COX15: variants seen among roughly 807,000 people sequenced by gnomAD.
The protein encoded by COX15 is cytochrome c oxidase assembly factor COX15.
A neutral mutation model predicts 51.9 loss-of-function variants in COX15; 51 were observed. The ratio of observed to expected loss-of-function variants is 0.98; its 90% CI spans 0.78 to 1.24. The LOEUF (loss-of-function observed/expected upper bound fraction) is 1.24. Among genes scored for constraint, COX15 ranks in the 50% most tolerant of loss-of-function variants. The probability of loss-of-function intolerance (pLI) is 0.00; values close to 1 mark genes in which losing one functional copy is unlikely to be tolerated. For missense variants in COX15, 420 were observed against 501.1 expected, an observed-to-expected ratio of 0.84 and a Z score of 1.55; for synonymous variants, 188 against 190.5, an observed-to-expected ratio of 0.99 and a Z score of 0.11.
At chr10:99,731,906 G>T in intron 1 of COX15, 54 bp downstream of exon 1, 1 of 1,558,792 alleles carries the variant, frequency 6.4e-7, no homozygotes, top group Non-Finnish European at 8.7e-7. Context: ...CTTTATCCCG[G>T]CCCTTTCACT....
chr10:99,711,613 A>G lies in COX15; in HGVS notation c.*2974T>C. 1 of 985,010 alleles carries G rather than the reference A, an allele frequency of 1.0e-6. No homozygotes were observed. Among genetic ancestry groups the G allele is most frequent in the Non-Finnish European group, 1.2e-6 (1 of 829,574 alleles). 61.0% of individuals were successfully genotyped at this position (985,010 alleles called of 1,614,324 possible). A position where few individuals can be genotyped will look rare whatever the true frequency, so the allele number is the denominator to read the frequency against. ...TCTGCACATTGGAATCACCTGGGGA[A>G]CTTTAAAAATATGCCTTTTACTTCC... is the stretch of plus-strand genomic sequence containing the variant. On this transcript the variant is annotated 3_prime_UTR_variant, in exon 9 of 9. Transcript: ENST00000016171.
At position 99,714,434 on chromosome 10, in the gene COX15, AC is replaced by A; in HGVS notation, c.*152del. 6.6e-7 allele frequency: 1 copy of A among 1,510,722 alleles called. No homozygotes were observed. The highest frequency in any genetic ancestry group is 8.8e-7 in the Non-Finnish European group (1 of 1,132,438). The allele number at this position is 1,510,722 out of a possible 1,614,324, so 93.6% of individuals were successfully genotyped here. On this transcript the variant is annotated 3_prime_UTR_variant, in exon 9 of 9. Transcript: ENST00000016171. ...CACTTAATGCATTCTTGATCCAGTG[AC>A]TATCTCAAAACAGGAAAAGATTTTT... is the stretch of plus-strand genomic sequence containing the variant.
rs750637877 is a variant in COX15, at chr10:99,714,409, C to T, written c.*178G>A. ...TAAAAGGGAACATTTAGGGTAACCACACTTAATGCATTCTTGATCCAGTGA... is the reference window on the plus strand; with the variant it reads ...TAAAAGGGAACATTTAGGGTAACCATACTTAATGCATTCTTGATCCAGTGA... On this transcript the variant is annotated 3_prime_UTR_variant, in exon 9 of 9. Coordinates refer to ENST00000016171, the MANE Select transcript of COX15 (RefSeq NM_078470.6). 6.8e-7 allele frequency: 1 copy of T among 1,468,190 alleles called. No individual in the cohort carries two copies. The highest frequency in any genetic ancestry group is 9.0e-7 in the Non-Finnish European group (1 of 1,112,490). 90.9% of individuals were successfully genotyped at this position (1,468,190 alleles called of 1,614,324 possible).
chr10:99,727,382 A>C (rs2036993857), intron 3 of COX15, 59 bp downstream of exon 3: 11 of 1,599,482 alleles, frequency 6.9e-6, no homozygotes, highest in Non-Finnish European at 8.5e-6. Context: ...TGAAGGGTTT[A>C]AGTCCAAAAG....
At chr10:99,728,283 C>G (rs1279876460) in intron 2 of COX15, among the ~76,000 whole-genome samples, 1 of 152,202 alleles carries the variant, frequency 6.6e-6, no homozygotes, top group African/African-American at 2.4e-5. Context: ...ATGGGACAAT[C>G]TGAGCAAATC....
the COX15 span, chr10:99,702,387 AG>A: frequency 1.4e-6 from 1 of 734,696 alleles, no homozygotes; most frequent in Non-Finnish European, 2.1e-6. Context: ...CTTAGAGGTG[AG>A]GAAGGTGAAG....
chr10:99,732,026 C>T lies in COX15; in HGVS notation c.24G>A (p.Pro8=). 6.2e-7 allele frequency: 1 copy of T among 1,613,192 alleles called. No homozygotes were observed. The highest frequency in any genetic ancestry group is 8.5e-7 in the Non-Finnish European group (1 of 1,179,772). Residue 8 remains proline (P), a synonymous_variant, in exon 1 of 9, where the codon CCG becomes CCA. Transcript: ENST00000016171. ...ACTGCCTCCCCTTCAAGGCCCTCAA[C>T]GGCGGAAAGAGCAATCGCTGCATAC... MQRLLFP[P]LRALKGRQYL...
chr10:99,723,964 G>C lies in COX15; in HGVS notation c.742C>G (p.Pro248Ala), dbSNP rs183558471. The change falls in exon 5 of 9, where the codon CCG (proline) becomes GCG (alanine). Residue 248 changes from proline to alanine, a missense_variant. Coordinates refer to ENST00000016171, the MANE Select transcript of COX15 (RefSeq NM_078470.6). ...TTGCACACAACTCTTACCTTGTGCG[G>C]AGGGAGTAGCAGTGACAGTGAGGTC... is the stretch of plus-strand genomic sequence containing the variant. ...LWTSLSLLLP[P>A]HKLPETHQLL... is the part of the protein sequence containing the mutation. 6 of 1,613,894 alleles carry C rather than the reference G, an allele frequency of 3.7e-6. No homozygotes were observed. In the African/African-American group the frequency reaches 6.7e-5, roughly 18 times the overall value.
chr10:99,713,696 G>A lies in COX15; in HGVS notation c.*891C>T, dbSNP rs183112534. 1,731 of 712,418 alleles carry A rather than the reference G, an allele frequency of 2.4e-3. 11 individuals are homozygous for A. The highest frequency in any genetic ancestry group is 3.3e-3 in the Non-Finnish European group (1,526 of 456,920). 44.1% of individuals were successfully genotyped at this position (712,418 alleles called of 1,614,324 possible). A position where few individuals can be genotyped will look rare whatever the true frequency, so the allele number is the denominator to read the frequency against. On this transcript the variant is annotated 3_prime_UTR_variant, in exon 9 of 9. Transcript: ENST00000016171. Reference sequence around the variant, plus strand: ...TTATCAAAAGAGGAACTAGCTGGGCGTGGTGGCCCATGCCTGTAATCTCAG... The same window carrying A: ...TTATCAAAAGAGGAACTAGCTGGGCATGGTGGCCCATGCCTGTAATCTCAG...
chr10:99,732,114 A>T lies in COX15; in HGVS notation c.-65T>A. ...GCTCTGTGGTCTCCCTCCTCCGCCA[A>T]GGAAAAGAGAAGCACTTCCGGGTCG... On this transcript the variant is annotated 5_prime_UTR_variant, in exon 1 of 9. It adds an upstream start codon to the 5' untranslated region. Coordinates refer to ENST00000016171, the MANE Select transcript of COX15 (RefSeq NM_078470.6). 6.4e-7 allele frequency: 1 copy of T among 1,572,258 alleles called. No individual in the cohort carries two copies. The highest frequency in any genetic ancestry group is 8.6e-7 in the Non-Finnish European group (1 of 1,158,332).
rs529004838 is a variant in COX15 at position 99,712,386 on chromosome 10, C to T, written c.*2201G>A. On this transcript the variant is annotated 3_prime_UTR_variant, in exon 9 of 9. Transcript: ENST00000016171. ...TTAAAATCTTGAAATTAGTTCCCAA[C>T]ACTTAATTGAGAGCTTTCACAGAAA... 1.8e-4 allele frequency: 173 copies of T among 985,384 alleles called. No homozygotes were observed. In the African/African-American group the frequency reaches 2.9e-3, roughly 16 times the overall value. The allele number at this position is 985,384 out of a possible 1,614,324, so 61.0% of individuals were successfully genotyped here. A position where few individuals can be genotyped will look rare whatever the true frequency, so the allele number is the denominator to read the frequency against.
At chr10:99,715,132 G>GT (rs1054840248) in intron 8 of COX15, among the ~76,000 whole-genome samples, 2 of 151,852 alleles carry the variant, frequency 1.3e-5, no homozygotes, top group East Asian at 1.9e-4. Context: ...ATATACCATA[G>GT]TTTTTTTTGT....
downstream of COX15, among the ~76,000 whole-genome samples, chr10:99,708,414 C>A (rs556886606): frequency 8.5e-5 from 13 of 152,266 alleles, no homozygotes; most frequent in South Asian, 2.5e-3. Context: ...AGGGAAAGAA[C>A]AGTAGGCTTA....
At chr10:99,716,163 T>A (rs1475066741) in intron 8 of COX15, among the ~76,000 whole-genome samples, 185 bp downstream of exon 8, 2 of 151,980 alleles carry the variant, frequency 1.3e-5, no homozygotes, top group Non-Finnish European at 2.9e-5. Flanking sequence ...ATCTAATTTT[T>A]GTATTTTTTT....
chr10:99,710,745 C>A (rs554479024), downstream of COX15: 43 of 985,366 alleles, frequency 4.4e-5, no homozygotes, highest in South Asian at 1.7e-3. Flanking sequence ...ATCCTAAAAT[C>A]ATGATTATCA....
chr10:99,728,062 G>A (rs987115202), intron 2 of COX15, among the ~76,000 whole-genome samples: 4 of 152,194 alleles, frequency 2.6e-5, no homozygotes, highest in African/African-American at 4.8e-5. Context: ...AGAATTTGAG[G>A]AAGACACATT....
the COX15 span, among the ~76,000 whole-genome samples, chr10:99,694,690 C>T: frequency 1.8e-4 from 28 of 152,176 alleles, no homozygotes; most frequent in Admixed American, 1.2e-3. Context: ...GCACCCACCA[C>T]CATGCCTGGC....
In COX15 at chr10:99,718,592, TTAAAC is replaced by T. The variant is rs1160875057; in HGVS notation, c.833-97_833-93del. The T allele has an allele frequency of 2.3e-6, 3 of 1,331,166 alleles. No homozygotes were observed. In the African/African-American group the frequency reaches 4.3e-5, roughly 19 times the overall value. The allele number at this position is 1,331,166 out of a possible 1,614,324, so 82.5% of individuals were successfully genotyped here. On this transcript the variant is annotated intron_variant, in intron 6 of 8. Transcript: ENST00000016171. ...ATAGAAAAAGTCTGTTATCCCAGAGTTAAACTAAGGGAACAGTCAGAGAATAATAG... is the reference window on the plus strand; with the variant it reads ...ATAGAAAAAGTCTGTTATCCCAGAGTTAAGGGAACAGTCAGAGAATAATAG...
chr10:99,718,370 C>T lies in COX15; in HGVS notation c.963G>A (p.Met321Ile), dbSNP rs767132989. 3 of 1,614,100 alleles carry T rather than the reference C, an allele frequency of 1.9e-6. No homozygotes were observed. Among genetic ancestry groups the T allele is most frequent in the Non-Finnish European group, 2.5e-6 (3 of 1,180,022 alleles). ...ILRNVFENPT[M>I]VQFDHRILGI... is the part of the protein sequence containing the mutation. ...CCAGAATCCGGTGATCAAACTGCAC[C>T]ATGGTGGGATTCTCAAAAACATTCC... The change falls in exon 7 of 9, where the codon ATG becomes ATA. Residue 321 changes from methionine (M) to isoleucine (I), a missense_variant. By Grantham distance (10) the Met-to-Ile change is conservative. Coordinates refer to ENST00000016171, the MANE Select transcript of COX15 (RefSeq NM_078470.6).
Sources: allele counts gnomAD v4.1 joint callset (sites outside exome capture counted in the v4.1 genomes callset), GRCh38; gene constraint gnomAD v4.1.1; transcripts MANE v1.5; gene names NCBI Gene and HGNC (gene_info 2026-07-23, HGNC 2026-07-21).